Variants in SHROOM2 observed in about 807,000 individuals in gnomAD.
SHROOM2 encodes shroom family member 2, also known as protein Shroom2.
A neutral mutation model predicts 75.9 loss-of-function variants in SHROOM2; 33 were observed. The observed-to-expected ratio is 0.43, with a 90% confidence interval of 0.33 to 0.58. The LOEUF (loss-of-function observed/expected upper bound fraction) is 0.58, where lower values mean the gene tolerates loss of function less well. Ranked by LOEUF, SHROOM2 falls within the 20% of genes least tolerant of loss-of-function variation. The pLI is 0.04. For synonymous variants in SHROOM2, 655 were observed against 663.6 expected (o/e 0.99, Z 0.20); for missense variants, 1,434 against 1,461.2 (o/e 0.98, Z 0.30).
chrX:9,792,159 T>TAATAGAATAGAATAGA lies in SHROOM2; in HGVS notation c.165+5452_165+5453insAGAATAGAATAGAAAT, dbSNP rs1555919910. The stretch of plus-strand genomic sequence containing the variant: ...TAGAATAGAATAGAATAGAATAGAA[T>TAATAGAATAGAATAGA]AATCACCAGTATCTGATACAGGGAG... On this transcript the variant is annotated intron_variant, in intron 1 of 9. Transcript: ENST00000380913. 2.7e-4 allele frequency among the ~76,000 whole-genome samples: 2 copies of TAATAGAATAGAATAGA among 7,413 alleles called. 1 individual carries two copies. The highest frequency in any genetic ancestry group is 4.7e-3 in the Admixed American group (2 of 426). The allele number at this position is 7,413 out of a possible 115,157, so 6.4% of individuals were successfully genotyped here.
chrX:9,841,175 C>T (rs2083977443), intron 1 of SHROOM2, among the ~76,000 whole-genome samples: 1 of 111,790 alleles, frequency 8.9e-6, no homozygotes. Context: ...AGGCTAGTCT[C>T]AAACTCCTGA....
intron 1 of SHROOM2, among the ~76,000 whole-genome samples, chrX:9,809,762 GGGTTCAA>G (rs2083781852): frequency 8.9e-6 from 1 of 112,466 alleles, no homozygotes. Flanking sequence ...TCTGCCTCCT[GGGTTCAA>G]GCGATTCTCC....
intron 2 of SHROOM2, among the ~76,000 whole-genome samples, chrX:9,879,143 G>A (rs2084217971): frequency 8.9e-6 from 1 of 111,857 alleles, no homozygotes; most frequent in Non-Finnish European, 1.9e-5. Context: ...CACAATCATA[G>A]CTCACTGCAG....
chrX:9,891,807 T>C (rs920874602), intron 3 of SHROOM2, among the ~76,000 whole-genome samples: 4 of 110,969 alleles, frequency 3.6e-5, no homozygotes, highest in African/African-American at 1.3e-4. Flanking sequence ...TTTGCTTGTA[T>C]GTGCATGTGT....
At chrX:9,898,150 A>G (rs1010743864) in intron 4 of SHROOM2, 40 bp from the exon 5 acceptor site, 1 of 1,067,514 alleles carries the variant, frequency 9.4e-7, no homozygotes, top group Non-Finnish European at 1.3e-6. Flanking sequence ...TGAGGAAGGC[A>G]GCTTGAGGAC....
At chrX:9,816,578 CCCCT>C (rs1326680495) in intron 1 of SHROOM2, among the ~76,000 whole-genome samples, 1 of 93,837 alleles carries the variant, frequency 1.1e-5, no homozygotes, top group African/African-American at 4.5e-5. Flanking sequence ...TCAGCCTTAC[CCCCT>C]GCTGCTGCTG....
At chrX:9,835,237 C>A (rs2083937630) in intron 1 of SHROOM2, among the ~76,000 whole-genome samples, 1 of 112,258 alleles carries the variant, frequency 8.9e-6, no homozygotes, top group Admixed American at 9.5e-5. Flanking sequence ...CCTGGAGGAC[C>A]AGAAGTCCAC....
intron 1 of SHROOM2, among the ~76,000 whole-genome samples, chrX:9,789,178 A>G (rs1165627376): frequency 9.0e-6 from 1 of 111,609 alleles, no homozygotes; most frequent in Non-Finnish European, 1.9e-5. Context: ...GAGAAAGGAA[A>G]TTGAAGCAGG....
intron 5 of SHROOM2, among the ~76,000 whole-genome samples, chrX:9,904,043 G>C (rs376995217): frequency 9.0e-6 from 1 of 111,263 alleles, no homozygotes; most frequent in Admixed American, 9.6e-5. Flanking sequence ...GAGGAGAAGC[G>C]GGAGCAGGGA....
intron 5 of SHROOM2, among the ~76,000 whole-genome samples, chrX:9,923,398 C>T (rs1181225754): frequency 8.9e-6 from 1 of 111,786 alleles, no homozygotes; most frequent in African/African-American, 3.3e-5. Context: ...GCCAAGGCAG[C>T]GATGAAAACT....
intron 9 of SHROOM2, among the ~76,000 whole-genome samples, chrX:9,946,313 G>A (rs749989763): frequency 2.7e-4 from 31 of 113,218 alleles, no homozygotes; most frequent in African/African-American, 8.9e-4. Context: ...AGAGGGCCCC[G>A]CAGTCCTTTG....
intron 5 of SHROOM2, among the ~76,000 whole-genome samples, chrX:9,918,864 C>T (rs2084514660): frequency 8.9e-6 from 1 of 111,950 alleles, no homozygotes; most frequent in Non-Finnish European, 1.9e-5. Context: ...TCCAAAGGCT[C>T]CACCTCTTCA....
intron 1 of SHROOM2, among the ~76,000 whole-genome samples, chrX:9,803,011 C>G (rs2083732259): frequency 9.2e-6 from 1 of 108,270 alleles, no homozygotes; most frequent in Admixed American, 9.9e-5. Context: ...TCCCTGCAGC[C>G]TTGACCTCCT....
rs1435688058 is a variant in SHROOM2 at position 9,873,689 on chromosome X, TACTGGC to T, written c.204_209del (p.Leu68_Ala70delinsPhe). On this transcript the variant is annotated inframe_deletion, in exon 2 of 10. Transcript: ENST00000380913. Reference sequence around the variant, plus strand: ...AGTAAAGCCGCGGCGGTCGACAAGTTACTGGCTGGAGATGAGATCGTCGGCATCAAT... The same window carrying T: ...AGTAAAGCCGCGGCGGTCGACAAGTTTGGAGATGAGATCGTCGGCATCAAT... 2 of 1,211,474 alleles carry T rather than the reference TACTGGC, an allele frequency of 1.7e-6. No individual in the cohort carries two copies. Among genetic ancestry groups the T allele is most frequent in the Non-Finnish European group, 2.2e-6 (2 of 895,235 alleles).
intron 1 of SHROOM2, among the ~76,000 whole-genome samples, chrX:9,800,349 A>G (rs1159960957): frequency 1.8e-5 from 2 of 109,900 alleles, no homozygotes; most frequent in East Asian, 5.7e-4. Context: ...TATTATTATT[A>G]TTATTATTTG....
intron 1 of SHROOM2, among the ~76,000 whole-genome samples, chrX:9,864,046 G>A (rs145506346): frequency 0.02 from 2,192 of 110,994 alleles, 24 homozygotes; most frequent in Middle Eastern, 0.06. Context: ...CCTTTGGGTG[G>A]TGGTTTCCAT....
chrX:9,930,672 A>C (rs980236772), intron 5 of SHROOM2, among the ~76,000 whole-genome samples: 5 of 111,871 alleles, frequency 4.5e-5, no homozygotes, highest in Non-Finnish European at 9.4e-5. Context: ...TTTTAATGTC[A>C]TTCTGTGTTT....
At chrX:9,787,883 G>A (rs2083623974) in intron 1 of SHROOM2, among the ~76,000 whole-genome samples, 1 of 111,384 alleles carries the variant, frequency 9.0e-6, no homozygotes, top group Admixed American at 9.6e-5. Flanking sequence ...TATCACACTG[G>A]CTTCTTTGGA....
intron 1 of SHROOM2, among the ~76,000 whole-genome samples, chrX:9,871,256 G>A (rs866053847): frequency 8.9e-6 from 1 of 112,177 alleles, no homozygotes; most frequent in African/African-American, 3.2e-5. Flanking sequence ...TTCTAGCATC[G>A]AAATACAGAT....
Sources: gnomAD v4.1 joint callset for allele counts (sites outside exome capture counted in the v4.1 genomes callset) on GRCh38, gnomAD v4.1.1 for gene constraint, MANE v1.5 for transcripts, NCBI Gene and HGNC (gene_info 2026-07-23, HGNC 2026-07-21) for gene names.